Variants in POLK observed in about 807,000 individuals in gnomAD.
The protein encoded by POLK is polymerase (DNA directed) kappa.
Under a neutral mutation model 94.0 loss-of-function variants are expected in POLK, and 76 were observed. The ratio of observed to expected loss-of-function variants is 0.81; its 90% confidence interval spans 0.67 to 0.98. The LOEUF is 0.98. POLK is among the 50% of genes least tolerant of loss of function. POLK has a pLI of 0.00. For synonymous variants in POLK, 349 were observed against 325.4 expected (o/e 1.07, Z -0.78); for missense variants, 954 against 1,010.1 (o/e 0.94, Z 0.75).
intron 1 of POLK, chr5:75,538,534 C>T (rs1252593201): frequency 2.0e-5 from 3 of 151,908 alleles, no homozygotes; most frequent in Non-Finnish European, 4.4e-5. Flanking sequence ...AAATACAAAC[C>T]AAGTTATAGT....
At chr5:75,587,005 A>G (rs113005116) in intron 9 of POLK, 21 bp from the exon 10 acceptor site, 1 of 1,527,762 alleles carries the variant, frequency 6.5e-7, no homozygotes. Context: ...AAAAATAAAG[A>G]CCTTTTTTTT....
chr5:75,578,784 A>T (rs966916376), intron 6 of POLK, among the ~76,000 whole-genome samples: 9 of 152,224 alleles, frequency 5.9e-5, no homozygotes, highest in Non-Finnish European at 1.3e-4. Context: ...CTTTGGAAAT[A>T]TATTGCTAAC....
chr5:75,526,612 C>T (rs1375902431), intron 1 of POLK, among the ~76,000 whole-genome samples: 2 of 135,434 alleles, frequency 1.5e-5, no homozygotes, highest in Admixed American at 8.1e-5. Flanking sequence ...GACAGAGTCT[C>T]GCTCCGTCGC....
intron 3 of POLK, among the ~76,000 whole-genome samples, chr5:75,563,425 T>C (rs1440701653): frequency 2.0e-5 from 3 of 152,206 alleles, no homozygotes; most frequent in Non-Finnish European, 4.4e-5. Context: ...CAGTTATTTC[T>C]TGTCTTCTGC....
At chr5:75,541,246 G>A (rs755222918) in intron 1 of POLK, among the ~76,000 whole-genome samples, 107 of 151,830 alleles carry the variant, frequency 7.0e-4, no homozygotes, top group Non-Finnish European at 5.9e-4. Context: ...AGCCGATATC[G>A]CACCATTGCA....
chr5:75,589,440 T>TACACACACACAC (rs1772651919), intron 10 of POLK, among the ~76,000 whole-genome samples: 18 of 63,722 alleles, frequency 2.8e-4, no homozygotes, highest in African/African-American at 6.6e-4. Flanking sequence ...CACACACACG[T>TACACACACACAC]GGAATATTTC....
chr5:75,526,333 T>A (rs1304894488), intron 1 of POLK, among the ~76,000 whole-genome samples: 1 of 152,070 alleles, frequency 6.6e-6, no homozygotes, highest in Non-Finnish European at 1.5e-5. Context: ...TAGGAAGCTC[T>A]TATTTTCAGA....
At chr5:75,523,399 A>G (rs1768680850) in intron 1 of POLK, among the ~76,000 whole-genome samples, 1 of 152,238 alleles carries the variant, frequency 6.6e-6, no homozygotes, top group African/African-American at 2.4e-5. Flanking sequence ...AATCTAAGAG[A>G]ATTATCAAGG....
chr5:75,546,027 T>C (rs945977057), intron 1 of POLK, among the ~76,000 whole-genome samples: 2 of 152,178 alleles, frequency 1.3e-5, no homozygotes, highest in Non-Finnish European at 2.9e-5. Context: ...AATATCATAA[T>C]CTTGTGATAG....
chr5:75,559,797 C>T (rs1421512453), intron 3 of POLK, among the ~76,000 whole-genome samples: 1 of 151,766 alleles, frequency 6.6e-6, no homozygotes, highest in Non-Finnish European at 1.5e-5. Flanking sequence ...ACTTAAGCCT[C>T]CCAAAGGGGT....
chr5:75,580,944 A>C (rs1772164981), intron 6 of POLK, among the ~76,000 whole-genome samples: 1 of 151,606 alleles, frequency 6.6e-6, no homozygotes, highest in Non-Finnish European at 1.5e-5. Context: ...TACGAACATT[A>C]GTGAGTTTTA....
chr5:75,562,259 ATTCTC>A lies in POLK; in HGVS notation c.256-7078_256-7074del, dbSNP rs547143470. On this transcript the variant is annotated intron_variant, in intron 3 of 14. Coordinates refer to ENST00000241436, the Ensembl canonical transcript of POLK. ...ATTTGTATTCCTAGGTATTTTATTT[ATTCTC>A]TTTGTAGCAATTGTGAGTGAGAGTT... is the stretch of plus-strand genomic sequence containing the variant. Among the ~76,000 whole-genome samples the A allele has an allele frequency of 1.1e-3, 162 of 151,982 alleles. 2 individuals carry two copies. Among genetic ancestry groups the A allele is most frequent in the African/African-American group, 3.7e-3 (153 of 41,436 alleles).
intron 3 of POLK, among the ~76,000 whole-genome samples, chr5:75,561,329 C>T (rs1025117164): frequency 6.6e-6 from 1 of 152,110 alleles, no homozygotes; most frequent in Non-Finnish European, 1.5e-5. Context: ...TCTTCATATC[C>T]TTTGCCTGCT....
chr5:75,606,835 A>G, the POLK span, among the ~76,000 whole-genome samples: 3 of 152,156 alleles, frequency 2.0e-5, no homozygotes, highest in Non-Finnish European at 4.4e-5. Context: ...GGTTGGAAGG[A>G]GGGACTGCCA....
At chr5:75,536,845 G>T (rs1212221216) in intron 1 of POLK, among the ~76,000 whole-genome samples, 1 of 152,250 alleles carries the variant, frequency 6.6e-6, no homozygotes, top group Admixed American at 6.5e-5. Flanking sequence ...TGGGCTGGAA[G>T]CTCTCACAAG....
In POLK at chr5:75,584,929, A is replaced by G; in HGVS notation, c.1226+3A>G. The G allele has an allele frequency of 6.4e-7, 1 of 1,558,290 alleles. No individual in the cohort carries two copies. The highest frequency in any genetic ancestry group is 8.8e-7 in the Non-Finnish European group (1 of 1,142,610). On this transcript the variant is annotated splice_donor_region_variant and intron_variant, in intron 9 of 14. Transcript: ENST00000241436. ...CTAGGTTCAACACACCTGACGAGGT[A>G]TCTATATGTATTGTCATTCTGCTTT...
At chr5:75,584,971 G>T in intron 9 of POLK, 45 bp downstream of exon 9, 3 of 1,273,686 alleles carry the variant, frequency 2.4e-6, no homozygotes, top group Non-Finnish European at 3.4e-6. Context: ...AGCATTTGCT[G>T]CAATATCAGT....
At chr5:75,587,116 T>C in intron 10 of POLK, 58 bp downstream of exon 10, 1 of 969,756 alleles carries the variant, frequency 1.0e-6, no homozygotes, top group Non-Finnish European at 1.6e-6. Context: ...TAAACTAATA[T>C]TGAATTAATT....
intron 9 of POLK, among the ~76,000 whole-genome samples, chr5:75,586,296 T>C (rs1231087502): frequency 1.3e-5 from 2 of 152,156 alleles, no homozygotes; most frequent in Admixed American, 6.5e-5. Context: ...TTCTAATCCA[T>C]TCCATATTTA....
Sources: allele counts gnomAD v4.1 joint callset (sites outside exome capture counted in the v4.1 genomes callset), GRCh38; gene constraint gnomAD v4.1.1; transcripts MANE v1.5; gene names NCBI Gene and HGNC (gene_info 2026-07-23, HGNC 2026-07-21).